Variants in TBC1D32 observed in about 807,000 individuals in gnomAD.
TBC1D32 encodes protein broad-minded.
In TBC1D32, 151 loss-of-function variants were observed where a neutral mutation model predicts 170.3. The observed-to-expected ratio is 0.89, with a 90% CI of 0.78 to 1.01. The LOEUF is 1.01. Ranked by LOEUF, TBC1D32 falls within the 50% of genes least tolerant of loss-of-function variation. The pLI is 0.00. For missense variants in TBC1D32, 1,464 were observed against 1,457.1 expected (o/e 1.00, Z -0.08); for synonymous variants, 498 against 488.0 (o/e 1.02, Z -0.27).
intron 30 of TBC1D32, among the ~76,000 whole-genome samples, chr6:121,098,018 G>A (rs899855849): frequency 3.3e-5 from 5 of 151,844 alleles, no homozygotes; most frequent in African/African-American, 1.2e-4. Context: ...ACACAGGGGA[G>A]GGGAACATGA....
At chr6:121,269,612 C>T (rs571348396) in intron 15 of TBC1D32, among the ~76,000 whole-genome samples, 1 of 152,122 alleles carries the variant, frequency 6.6e-6, no homozygotes, top group Non-Finnish European at 1.5e-5. Flanking sequence ...ATTCATAAAG[C>T]AAGTCCTTAG....
intron 19 of TBC1D32, 147 bp downstream of exon 19, chr6:121,241,318 G>A (rs1796956217): frequency 1.5e-6 from 1 of 667,206 alleles, no homozygotes. Flanking sequence ...AGAAAATCCT[G>A]TAACTTTCTT....
chr6:121,143,075 A>T (rs191471199), intron 24 of TBC1D32, among the ~76,000 whole-genome samples: 21 of 152,336 alleles, frequency 1.4e-4, no homozygotes, highest in Admixed American at 9.2e-4. Context: ...TAGCTATAAC[A>T]TTAGTACCAT....
chr6:121,092,771 T>C (rs1431022001), intron 30 of TBC1D32, among the ~76,000 whole-genome samples: 1 of 152,138 alleles, frequency 6.6e-6, no homozygotes, highest in Non-Finnish European at 1.5e-5. Flanking sequence ...TGGATTACGG[T>C]CCAACTTAAT....
At chr6:121,103,685 T>C (rs919847284) in intron 30 of TBC1D32, among the ~76,000 whole-genome samples, 2 of 151,782 alleles carry the variant, frequency 1.3e-5, no homozygotes, top group Non-Finnish European at 2.9e-5. Context: ...TATACATATA[T>C]AACAAACCTG....
chr6:121,303,666 T>C lies in TBC1D32; in HGVS notation c.1031A>G (p.Tyr344Cys), dbSNP rs1281789811. 7 of 1,599,272 alleles carry C rather than the reference T, an allele frequency of 4.4e-6. No homozygotes were observed. The highest frequency in any genetic ancestry group is 1.7e-5 in the Admixed American group (1 of 59,724). Residue 344 changes from tyrosine (Y) to cysteine (C), a missense_variant, in exon 9 of 32, where the codon TAC becomes TGC. Tyr to Cys is a radical substitution (Grantham distance 194). This residue lies in a region of TBC1D32 where 1,363 missense variants were observed against 1,338.1 expected (regional missense o/e 1.02). Transcript: ENST00000398212. ...VVSQKILDPI[Y>C]FFALVDTKAV... ...CTTGGTATCAACTAATGCAAAAAAG[T>C]AGATCGGATCCAAAATCTTTTGTGA...
At chr6:121,194,410 TA>T (rs1790465704) in intron 22 of TBC1D32, among the ~76,000 whole-genome samples, 1 of 152,188 alleles carries the variant, frequency 6.6e-6, no homozygotes, top group Non-Finnish European at 1.5e-5. Flanking sequence ...TTGCGGAGAT[TA>T]GTGCCACCAT....
chr6:121,176,359 C>T (rs573494545), intron 22 of TBC1D32, among the ~76,000 whole-genome samples: 2 of 152,138 alleles, frequency 1.3e-5, no homozygotes, highest in African/African-American at 4.8e-5. Context: ...GAATTTCTAA[C>T]CTGTTTGAAC....
chr6:121,223,248 T>A lies in TBC1D32; in HGVS notation c.2469A>T (p.Pro823=), dbSNP rs1562966385. ...GAAAATGACTTACAATAACACATGTTGGGACTTCACGAAGAGAATATTCTG... is the reference window on the plus strand; with the variant it reads ...GAAAATGACTTACAATAACACATGTAGGGACTTCACGAAGAGAATATTCTG... ...NKTEYSLREV[P]TCVIDIIDRL... Residue 823 remains proline (P), a synonymous_variant, in exon 21 of 32, where the codon CCA becomes CCT. Coordinates refer to ENST00000398212, the MANE Select transcript of TBC1D32 (RefSeq NM_152730.6). 1 of 1,556,124 alleles carries A rather than the reference T, an allele frequency of 6.4e-7. No individual in the cohort carries two copies. The highest frequency in any genetic ancestry group is 8.7e-7 in the Non-Finnish European group (1 of 1,150,412).
intron 24 of TBC1D32, among the ~76,000 whole-genome samples, chr6:121,134,049 G>A (rs1781745297): frequency 3.9e-5 from 6 of 151,936 alleles, no homozygotes; most frequent in Admixed American, 1.3e-4. Context: ...GACTTAATTC[G>A]ACATTATTGA....
rs771895255 is a variant in TBC1D32, at chr6:121,256,330, T to C, written c.1734-45A>G. ...AGTGATTCCAAGGTTATATTAATCTTGACTTCATAAAGCTCTACCAAAAAG... is the reference window on the plus strand; with the variant it reads ...AGTGATTCCAAGGTTATATTAATCTCGACTTCATAAAGCTCTACCAAAAAG... On this transcript the variant is annotated intron_variant, in intron 15 of 31. Transcript: ENST00000398212. 43 of 1,513,244 alleles carry C rather than the reference T, an allele frequency of 2.8e-5. 2 individuals carry two copies. In the South Asian group the frequency reaches 5.1e-4, roughly 18 times the overall value. The allele number at this position is 1,513,244 out of a possible 1,614,324, so 93.7% of individuals were successfully genotyped here. A position where few individuals can be genotyped will look rare whatever the true frequency, so the allele number is the denominator to read the frequency against.
rs972672200 is a variant in TBC1D32 at position 121,200,077 on chromosome 6, G to A, written c.2570+4998C>T. ...TGGCAAATGATTAATTTTAAAGGCT[G>A]TTCTGTAAGTATAGACTCCCAAGTT... is the stretch of plus-strand genomic sequence containing the variant. On this transcript the variant is annotated intron_variant, in intron 22 of 31. Coordinates refer to ENST00000398212, the MANE Select transcript of TBC1D32 (RefSeq NM_152730.6). 3.3e-5 allele frequency among the ~76,000 whole-genome samples: 5 copies of A among 151,236 alleles called. 1 individual carries two copies. The highest frequency in any genetic ancestry group is 1.2e-4 in the African/African-American group (5 of 40,696).
chr6:121,184,812 A>G (rs1038777042), intron 22 of TBC1D32, among the ~76,000 whole-genome samples: 3 of 151,948 alleles, frequency 2.0e-5, no homozygotes, highest in African/African-American at 7.2e-5. Flanking sequence ...TTTGATAAAC[A>G]TAATTTTGAG....
intron 21 of TBC1D32, among the ~76,000 whole-genome samples, chr6:121,215,464 G>A (rs2128318293): frequency 6.6e-6 from 1 of 152,318 alleles, no homozygotes; most frequent in East Asian, 1.9e-4. Flanking sequence ...TCAATTTCAT[G>A]ACAAAGACGC....
chr6:121,115,239 T>C lies in TBC1D32; in HGVS notation c.2986A>G (p.Thr996Ala), dbSNP rs773398928. The part of the protein sequence containing the change: ...CYFPSVEYTA[T>A]DANVKNESLS... Reference sequence around the variant, plus strand: ...CTTTCATTCTTCACATTTGCATCAGTAGCTAAAGACAACAGAAAACTGAGT... The same window carrying C: ...CTTTCATTCTTCACATTTGCATCAGCAGCTAAAGACAACAGAAAACTGAGT... Residue 996 changes from threonine (T) to alanine (A), a missense_variant and splice_region_variant, in exon 27 of 32, where the codon ACT becomes GCT. Transcript: ENST00000398212. The C allele has an allele frequency of 6.3e-6, 10 of 1,596,630 alleles. No individual in the cohort carries two copies. The highest frequency in any genetic ancestry group is 1.3e-5 in the African/African-American group (1 of 74,594).
intron 16 of TBC1D32, among the ~76,000 whole-genome samples, chr6:121,255,836 C>T (rs1798931752): frequency 6.6e-6 from 1 of 152,046 alleles, no homozygotes; most frequent in Non-Finnish European, 1.5e-5. Context: ...TAACCTAAAG[C>T]CTCATCTACG....
chr6:121,309,934 T>C (rs553565391), intron 4 of TBC1D32, among the ~76,000 whole-genome samples: 3 of 152,168 alleles, frequency 2.0e-5, no homozygotes, highest in African/African-American at 7.2e-5. Context: ...CTTAGAAGGC[T>C]GAGGTGGGAA....
intron 17 of TBC1D32, among the ~76,000 whole-genome samples, chr6:121,248,257 A>G (rs117985182): frequency 0.021 from 3,122 of 152,150 alleles, 47 homozygotes; most frequent in Non-Finnish European, 0.03. Context: ...TTAAAAAATC[A>G]TTTGAAATAA....
intron 30 of TBC1D32, among the ~76,000 whole-genome samples, chr6:121,099,416 A>G (rs566511402): frequency 6.6e-6 from 1 of 152,048 alleles, no homozygotes; most frequent in Non-Finnish European, 1.5e-5. Context: ...AAGAAACTAT[A>G]CAACAAATAT....
Sources: allele counts gnomAD v4.1 joint callset (sites outside exome capture counted in the v4.1 genomes callset), GRCh38; gene constraint gnomAD v4.1.1; regional missense constraint gnomAD v4.1.1; transcripts MANE v1.5; gene names NCBI Gene and HGNC (gene_info 2026-07-23, HGNC 2026-07-21).